Variants in CTDSP2 observed in about 807,000 individuals in gnomAD.
CTDSP2 encodes carboxy-terminal domain RNA polymerase II polypeptide A small phosphatase 2.
CTDSP2 carries 9 observed loss-of-function variants against 31.6 expected under a neutral mutation model. The ratio of observed to expected loss-of-function variants is 0.28; its 90% confidence interval spans 0.17 to 0.50. CTDSP2 has a LOEUF of 0.50. Among genes scored for constraint, CTDSP2 ranks in the 20% least tolerant of loss-of-function variants. The pLI, the probability that CTDSP2 is intolerant of heterozygous loss-of-function variation, is 0.98. For missense variants in CTDSP2, 267 were observed against 348.5 expected (o/e 0.77, Z 1.86); for synonymous variants, 134 against 134.5 (o/e 1.00, Z 0.03).
In CTDSP2 at chr12:57,821,081, G is replaced by A. The variant is rs2140470173; in HGVS notation, c.*2521C>T. The stretch of plus-strand genomic sequence containing the variant: ...TGCCCTCCAAAATTGAGTCTGGCCT[G>A]ATTCCTTTGAGGAGCAAATTTTACA... On this transcript the variant is annotated 3_prime_UTR_variant, in exon 8 of 8. Transcript: ENST00000398073. The A allele has an allele frequency of 6.6e-6, 1 of 152,338 alleles. No individual in the cohort carries two copies. Among genetic ancestry groups the A allele is most frequent in the South Asian group, 2.1e-4 (1 of 4,830 alleles). 9.4% of individuals were successfully genotyped at this position (152,338 alleles called of 1,614,324 possible). A position where few individuals can be genotyped will look rare whatever the true frequency, so the allele number is the denominator to read the frequency against.
rs1956160759 is a variant in CTDSP2 at position 57,823,409 on chromosome 12, T to C, written c.*193A>G. 1.1e-5 allele frequency: 7 copies of C among 612,900 alleles called. No individual in the cohort carries two copies. Among genetic ancestry groups the C allele is most frequent in the South Asian group, 9.8e-5 (5 of 51,182 alleles). 38.0% of individuals were successfully genotyped at this position (612,900 alleles called of 1,614,324 possible). On this transcript the variant is annotated 3_prime_UTR_variant, in exon 8 of 8. Coordinates refer to ENST00000398073, the MANE Select transcript of CTDSP2 (RefSeq NM_005730.4). Reference sequence around the variant, plus strand: ...CACATCTCAACAAGTTGGCGGCAGGTAGCTCTGGGTATCATTGGTCTGGCA... The same window carrying C: ...CACATCTCAACAAGTTGGCGGCAGGCAGCTCTGGGTATCATTGGTCTGGCA...
At chr12:57,826,271 A>T (rs1451962868) in intron 5 of CTDSP2, 75 bp downstream of exon 5, 2 of 1,284,024 alleles carry the variant, frequency 1.6e-6, no homozygotes, top group Non-Finnish European at 2.2e-6. Context: ...AGATGGGTGG[A>T]GGACCCCAGT....
intron 1 of CTDSP2, among the ~76,000 whole-genome samples, chr12:57,832,280 G>A (rs1374900146): frequency 6.6e-6 from 1 of 152,236 alleles, no homozygotes; most frequent in Non-Finnish European, 1.5e-5. Flanking sequence ...TCCTGGCTCT[G>A]GAAGAGGAAC....
rs748052794 is a variant in CTDSP2 at position 57,829,598 on chromosome 12, TAG to T, written c.65-4_65-3del. On this transcript the variant is annotated splice_polypyrimidine_tract_variant and splice_region_variant and intron_variant, in intron 1 of 7. Transcript: ENST00000398073. ...TAGGAGAGGACTTGGAGACCAGGCC[TAG>T]GGTGGAGAGAATGACAGAGGCTTTA... is the stretch of plus-strand genomic sequence containing the variant. 6 of 1,613,386 alleles carry T rather than the reference TAG, an allele frequency of 3.7e-6. No homozygotes were observed. The South Asian group carries it at 5.5e-5, about 15-fold the overall frequency.
At chr12:57,834,705 G>A (rs1956236161) in intron 1 of CTDSP2, among the ~76,000 whole-genome samples, 2 of 152,316 alleles carry the variant, frequency 1.3e-5, no homozygotes, top group African/African-American at 2.4e-5. Context: ...TGACAGCCAG[G>A]TGCAGGCCAT....
intron 1 of CTDSP2, among the ~76,000 whole-genome samples, chr12:57,845,274 C>T (rs962532652): frequency 2.6e-5 from 4 of 152,222 alleles, no homozygotes; most frequent in African/African-American, 9.6e-5. Flanking sequence ...GTCCTTACAC[C>T]CCGCGGAAAA....
Position 57,830,190 on chromosome 12 carries a change from T to C in CTDSP2, c.65-594A>G, listed in dbSNP as rs536427937. On this transcript the variant is annotated intron_variant, in intron 1 of 7. Transcript: ENST00000398073. ...CACGAGGTCAGAAGATTGAGACCAA[T>C]CTGGCTAACACGGTGAAACCCTGTC... 1.9e-4 allele frequency among the ~76,000 whole-genome samples: 29 copies of C among 152,154 alleles called. No homozygotes were observed. The East Asian group carries it at 3.1e-3, about 16-fold the overall frequency.
chr12:57,830,619 A>G (rs1956210096), intron 1 of CTDSP2, among the ~76,000 whole-genome samples: 1 of 152,202 alleles, frequency 6.6e-6, no homozygotes, highest in South Asian at 2.1e-4. Context: ...CACAGATACC[A>G]TGGATTAGCC....
Position 57,821,019 on chromosome 12 carries a change from G to A in CTDSP2, c.*2583C>T, listed in dbSNP as rs1490856393. 6.6e-6 allele frequency: 1 copy of A among 152,246 alleles called. No homozygotes were observed. The highest frequency in any genetic ancestry group is 2.4e-5 in the African/African-American group (1 of 41,452). 9.4% of individuals were successfully genotyped at this position (152,246 alleles called of 1,614,324 possible). ...GAGGGGCTGATGGTGGGAAGCCCTAGAAGAGAGTCTGGGATGAAGCGGCCT... is the reference window on the plus strand; with the variant it reads ...GAGGGGCTGATGGTGGGAAGCCCTAAAAGAGAGTCTGGGATGAAGCGGCCT... On this transcript the variant is annotated 3_prime_UTR_variant, in exon 8 of 8. Transcript: ENST00000398073.
At chr12:57,844,473 A>C (rs1956301332) in intron 1 of CTDSP2, among the ~76,000 whole-genome samples, 1 of 152,112 alleles carries the variant, frequency 6.6e-6, no homozygotes, top group Non-Finnish European at 1.5e-5. Context: ...CACTCCCTGC[A>C]AGAGAGTCCC....
Position 57,822,400 on chromosome 12 carries a change from A to G in CTDSP2, c.*1202T>C, listed in dbSNP as rs1426025488. 6.6e-6 allele frequency: 1 copy of G among 152,316 alleles called. No individual in the cohort carries two copies. The highest frequency in any genetic ancestry group is 2.1e-4 in the South Asian group (1 of 4,836). The allele number at this position is 152,316 out of a possible 1,614,324, so 9.4% of individuals were successfully genotyped here. A position where few individuals can be genotyped will look rare whatever the true frequency, so the allele number is the denominator to read the frequency against. On this transcript the variant is annotated 3_prime_UTR_variant, in exon 8 of 8. Coordinates refer to ENST00000398073, the MANE Select transcript of CTDSP2 (RefSeq NM_005730.4). Reference sequence around the variant, plus strand: ...CGCATTAGGCTGGCAAATGGCAAGAACACTCATTCCCCCTCAGCCCAGGAA... The same window carrying G: ...CGCATTAGGCTGGCAAATGGCAAGAGCACTCATTCCCCCTCAGCCCAGGAA...
rs1775333746 is a variant in CTDSP2 at position 57,823,400 on chromosome 12, G to C, written c.*202C>G. On this transcript the variant is annotated 3_prime_UTR_variant, in exon 8 of 8. Transcript: ENST00000398073. ...AGTCAAACACACATCTCAACAAGTT[G>C]GCGGCAGGTAGCTCTGGGTATCATT... The C allele has an allele frequency of 1.7e-6, 1 of 600,326 alleles. No individual in the cohort carries two copies. The highest frequency in any genetic ancestry group is 2.0e-5 in the South Asian group (1 of 50,894). 37.2% of individuals were successfully genotyped at this position (600,326 alleles called of 1,614,324 possible). A position where few individuals can be genotyped will look rare whatever the true frequency, so the allele number is the denominator to read the frequency against.
At chr12:57,842,986 G>A (rs538361518) in intron 1 of CTDSP2, among the ~76,000 whole-genome samples, 91 of 152,278 alleles carry the variant, frequency 6.0e-4, no homozygotes, top group Middle Eastern at 3.4e-3. Flanking sequence ...TTTCAGAGAT[G>A]GTCAGTCTCT....
intron 1 of CTDSP2, among the ~76,000 whole-genome samples, chr12:57,834,618 G>A (rs1292883622): frequency 6.6e-6 from 1 of 152,234 alleles, no homozygotes; most frequent in Non-Finnish European, 1.5e-5. Flanking sequence ...GAACCACAGA[G>A]TTCAGAGAGG....
chr12:57,839,839 T>A (rs911983413), intron 1 of CTDSP2, among the ~76,000 whole-genome samples: 2 of 152,106 alleles, frequency 1.3e-5, no homozygotes, highest in African/African-American at 4.8e-5. Flanking sequence ...AAAGTGAGGT[T>A]AATTCCTCTT....
rs1189871279 is a variant in CTDSP2 at position 57,822,823 on chromosome 12, AAC to A, written c.*777_*778del. The A allele has an allele frequency of 7.2e-5, 11 of 152,564 alleles. No individual in the cohort carries two copies. The highest frequency in any genetic ancestry group is 2.7e-4 in the African/African-American group (11 of 41,454). 9.5% of individuals were successfully genotyped at this position (152,564 alleles called of 1,614,324 possible). A position where few individuals can be genotyped will look rare whatever the true frequency, so the allele number is the denominator to read the frequency against. ...TCTGTGTTTAGAAAGAGAATTTTAA[AAC>A]ACAGTCAAAAGAACGGAAATCAGTT... On this transcript the variant is annotated 3_prime_UTR_variant, in exon 8 of 8. Coordinates refer to ENST00000398073, the MANE Select transcript of CTDSP2 (RefSeq NM_005730.4).
intron 1 of CTDSP2, among the ~76,000 whole-genome samples, chr12:57,830,245 T>A (rs1218771165): frequency 6.6e-6 from 1 of 151,846 alleles, no homozygotes; most frequent in Non-Finnish European, 1.5e-5. Flanking sequence ...ATTAGCCAGG[T>A]GAGGTGGCGG....
intron 1 of CTDSP2, among the ~76,000 whole-genome samples, chr12:57,830,401 A>C (rs1471791584): frequency 6.6e-6 from 1 of 151,208 alleles, no homozygotes; most frequent in Non-Finnish European, 1.5e-5. Flanking sequence ...ACAACAACAA[A>C]AACAAACAAA....
chr12:57,824,697 T>C, intron 5 of CTDSP2: 1 of 537,544 alleles, frequency 1.9e-6, no homozygotes, highest in Non-Finnish European at 3.8e-6. Flanking sequence ...ACAGCCTCTA[T>C]GGGAGCTTTC....
Sources: gnomAD v4.1 joint callset for allele counts (sites outside exome capture counted in the v4.1 genomes callset) on GRCh38, gnomAD v4.1.1 for gene constraint, MANE v1.5 for transcripts, NCBI Gene and HGNC (gene_info 2026-07-23, HGNC 2026-07-21) for gene names.